RBFOX1: variants seen among roughly 807,000 people sequenced by gnomAD.
The protein encoded by RBFOX1 is RNA binding protein fox-1 homolog 1.
In RBFOX1, 8 loss-of-function variants were observed where a neutral mutation model predicts 57.7. The observed-to-expected ratio is 0.14, with a 90% CI of 0.08 to 0.25. RBFOX1 has a LOEUF of 0.25. RBFOX1 is among the 10% of genes least tolerant of loss of function. The probability of loss-of-function intolerance (pLI) is 1.00; values close to 1 mark genes in which losing one functional copy is unlikely to be tolerated. For synonymous variants in RBFOX1, 326 were observed against 222.4 expected, an observed-to-expected ratio of 1.47 and a Z score of -4.15; for missense variants, 611 against 548.5, an observed-to-expected ratio of 1.11 and a Z score of -1.14.
intron 1 of RBFOX1, among the ~76,000 whole-genome samples, chr16:6,212,818 C>A (rs549428399): frequency 6.6e-6 from 1 of 152,166 alleles, no homozygotes; most frequent in South Asian, 2.1e-4. Flanking sequence ...TTAATTTTTT[C>A]TCCAAGACAT....
chr16:7,411,947 A>G (rs8050278), intron 4 of RBFOX1, among the ~76,000 whole-genome samples: 132,795 of 147,368 alleles, frequency 0.9, 59,942 homozygotes, highest in South Asian at 0.95. Flanking sequence ...CTGAGAAACT[A>G]TCACAGACAA....
intron 3 of RBFOX1, among the ~76,000 whole-genome samples, chr16:5,606,618 G>A (rs867514568): frequency 1.3e-5 from 2 of 152,148 alleles, no homozygotes; most frequent in Admixed American, 6.6e-5. Flanking sequence ...CAAAGCGCTT[G>A]CAGTCTGTGA....
At chr16:6,556,334 C>G (rs1340928603) in intron 2 of RBFOX1, among the ~76,000 whole-genome samples, 2 of 152,168 alleles carry the variant, frequency 1.3e-5, no homozygotes, top group Non-Finnish European at 2.9e-5. Context: ...GACACTATCT[C>G]TTTGGAATTA....
At chr16:5,861,557 A>G (rs1265764920) in intron 3 of RBFOX1, among the ~76,000 whole-genome samples, 1 of 152,226 alleles carries the variant, frequency 6.6e-6, no homozygotes, top group Non-Finnish European at 1.5e-5. Context: ...ATGAATGTCC[A>G]TTGTGTTGGG....
intron 3 of RBFOX1, among the ~76,000 whole-genome samples, chr16:5,805,367 CTAGTT>C (rs2055192428): frequency 6.6e-6 from 1 of 152,176 alleles, no homozygotes; most frequent in Non-Finnish European, 1.5e-5. Context: ...ATTCTATTAA[CTAGTT>C]TAGAGCCTTG....
At chr16:5,299,097 C>T (rs917757164) in intron 1 of RBFOX1, among the ~76,000 whole-genome samples, 2 of 150,812 alleles carry the variant, frequency 1.3e-5, no homozygotes, top group African/African-American at 4.9e-5. Flanking sequence ...CTGTCGCCTT[C>T]CAGGGGCAAC....
chr16:6,304,974 A>G (rs1304198238), intron 1 of RBFOX1, among the ~76,000 whole-genome samples: 1 of 152,152 alleles, frequency 6.6e-6, no homozygotes, highest in Non-Finnish European at 1.5e-5. Flanking sequence ...AATCAACAGA[A>G]CTAGTGAGAT....
chr16:5,971,765 G>T lies in RBFOX1; in HGVS notation c.351+104430G>T, dbSNP rs183215505. On this transcript the variant is annotated intron_variant, in intron 4 of 19. Coordinates refer to the RBFOX1 transcript ENST00000641259. ...ATGTTGACTTCATGGTTAATTTTAT[G>T]TGTCAAGCTGACTAGGCCATGGGGT... is the stretch of plus-strand genomic sequence containing the variant. Among the ~76,000 whole-genome samples the T allele has an allele frequency of 5.9e-5, 9 of 152,298 alleles. No individual in the cohort carries two copies. The East Asian group carries it at 1.7e-3, about 30-fold the overall frequency.
intron 3 of RBFOX1, among the ~76,000 whole-genome samples, chr16:5,685,406 C>T (rs1043851413): frequency 3.9e-5 from 6 of 152,172 alleles, no homozygotes; most frequent in African/African-American, 1.4e-4. Context: ...TTATTATTGC[C>T]TAAGGTTTTG....
rs528427156 is a variant in RBFOX1, at chr16:7,221,207, T to G, written c.27+169109T>G. Among the ~76,000 whole-genome samples, 5 of 152,258 alleles carry G rather than the reference T, an allele frequency of 3.3e-5. No homozygotes were observed. The South Asian group carries it at 8.3e-4, about 25-fold the overall frequency. On this transcript the variant is annotated intron_variant, in intron 4 of 15. Coordinates refer to ENST00000550418, the MANE Select transcript of RBFOX1 (RefSeq NM_018723.4). ...GAATTAAAACAGCTGCCTTGTACATTGTAAGTGTTCAAAAATAGTTTGTAA... is the reference window on the plus strand; with the variant it reads ...GAATTAAAACAGCTGCCTTGTACATGGTAAGTGTTCAAAAATAGTTTGTAA...
intron 2 of RBFOX1, among the ~76,000 whole-genome samples, chr16:6,603,844 C>T (rs911518391): frequency 6.6e-5 from 10 of 152,094 alleles, no homozygotes; most frequent in East Asian, 1.9e-4. Flanking sequence ...GACAGTTGTC[C>T]ATGTGACCCC....
At chr16:7,655,544 C>A (rs1221802044) in intron 12 of RBFOX1, among the ~76,000 whole-genome samples, 1 of 152,128 alleles carries the variant, frequency 6.6e-6, no homozygotes, top group Non-Finnish European at 1.5e-5. Flanking sequence ...GGTATCACAG[C>A]AATGAGCCCA....
At chr16:6,144,964 G>A (rs1597751988) in intron 1 of RBFOX1, among the ~76,000 whole-genome samples, 3 of 152,220 alleles carry the variant, frequency 2.0e-5, no homozygotes, top group East Asian at 3.9e-4. Flanking sequence ...GCCAAGAGAA[G>A]TCCTGGACAT....
At chr16:5,449,414 C>T (rs1347107080) in intron 1 of RBFOX1, among the ~76,000 whole-genome samples, 2 of 152,158 alleles carry the variant, frequency 1.3e-5, no homozygotes, top group Non-Finnish European at 2.9e-5. Context: ...ACCTCAGTTT[C>T]TGTTTATGTA....
intron 3 of RBFOX1, among the ~76,000 whole-genome samples, chr16:6,898,847 GTA>G (rs2067656984): frequency 6.6e-6 from 1 of 150,906 alleles, no homozygotes; most frequent in African/African-American, 2.4e-5. Flanking sequence ...GTGTGCATGT[GTA>G]TGTGTAATAT....
chr16:6,404,248 A>T (rs1293571290), intron 2 of RBFOX1, among the ~76,000 whole-genome samples: 8 of 152,228 alleles, frequency 5.3e-5, no homozygotes, highest in Non-Finnish European at 8.8e-5. Flanking sequence ...TAAGTTTTAC[A>T]AGTAATGTAG....
At chr16:6,243,355 A>G (rs927693467) in intron 1 of RBFOX1, among the ~76,000 whole-genome samples, 7 of 152,182 alleles carry the variant, frequency 4.6e-5, no homozygotes, top group Non-Finnish European at 1.0e-4. Flanking sequence ...TTAAACTCCA[A>G]GTACTTCTGG....
rs113341746 is a variant in RBFOX1, at chr16:5,523,091, G to A, written c.258+55837G>A. 4.4e-3 allele frequency among the ~76,000 whole-genome samples: 674 copies of A among 152,194 alleles called. 10 individuals are homozygous for A. Among genetic ancestry groups the A allele is most frequent in the African/African-American group, 0.015 (634 of 41,538 alleles). On this transcript the variant is annotated intron_variant, in intron 2 of 2. Coordinates refer to the RBFOX1 transcript ENST00000585867. ...TCACAAGGTCAGGAGTTCGAGACTAGCCTGGCCAATATGGTGCAATCCCAT... is the reference window on the plus strand; with the variant it reads ...TCACAAGGTCAGGAGTTCGAGACTAACCTGGCCAATATGGTGCAATCCCAT...
At chr16:5,456,352 G>T (rs567062595) in intron 1 of RBFOX1, among the ~76,000 whole-genome samples, 1 of 152,054 alleles carries the variant, frequency 6.6e-6, no homozygotes, top group South Asian at 2.1e-4. Context: ...AGTGAAACTC[G>T]CCTTGTCTGT....
Sources: allele counts gnomAD v4.1 joint callset (sites outside exome capture counted in the v4.1 genomes callset), GRCh38; gene constraint gnomAD v4.1.1; transcripts MANE v1.5; gene names NCBI Gene and HGNC (gene_info 2026-07-23, HGNC 2026-07-21).